Variants in TBC1D31 observed in about 807,000 individuals in gnomAD.
TBC1D31 encodes WD repeat domain 67.
A neutral mutation model predicts 132.9 loss-of-function variants in TBC1D31; 99 were observed. The ratio of observed to expected loss-of-function variants is 0.74; its 90% CI spans 0.63 to 0.88. The LOEUF is 0.88. TBC1D31 is among the 40% of genes least tolerant of loss of function. The probability of loss-of-function intolerance (pLI) is 0.00; values close to 1 mark genes in which losing one functional copy is unlikely to be tolerated. For synonymous variants in TBC1D31, 385 were observed against 419.4 expected, an observed-to-expected ratio of 0.92 and a Z score of 1.00; for missense variants, 1,134 against 1,256.6, an observed-to-expected ratio of 0.90 and a Z score of 1.48.
At chr8:123,106,822 T>C (rs1817975177) in intron 8 of TBC1D31, among the ~76,000 whole-genome samples, 1 of 152,130 alleles carries the variant, frequency 6.6e-6, no homozygotes, top group South Asian at 2.1e-4. Context: ...ATAGCTATAA[T>C]ATATTAAAGT....
intron 12 of TBC1D31, 38 bp from the exon 13 acceptor site, chr8:123,126,470 C>T: frequency 6.4e-7 from 1 of 1,571,342 alleles, no homozygotes; most frequent in Non-Finnish European, 8.7e-7. Context: ...TTTTACTTTT[C>T]CCTAGAAAAA....
the TBC1D31 span, among the ~76,000 whole-genome samples, chr8:123,160,333 G>T: frequency 3.3e-5 from 5 of 152,070 alleles, no homozygotes; most frequent in African/African-American, 4.8e-5. Flanking sequence ...AAACATACTT[G>T]AACTATGTTA....
chr8:123,164,252 A>G, the TBC1D31 span, among the ~76,000 whole-genome samples: 2 of 152,180 alleles, frequency 1.3e-5, no homozygotes, highest in Non-Finnish European at 2.9e-5. Flanking sequence ...AGCCCAAGGG[A>G]CAAAGCCATG....
chr8:123,151,657 C>A, intron 21 of TBC1D31, 149 bp from the exon 22 acceptor site: 1 of 645,158 alleles, frequency 1.6e-6, no homozygotes. Flanking sequence ...TAAATGGAAC[C>A]ACCTAGGGCC....
chr8:123,141,365 A>G (rs1412992874), intron 18 of TBC1D31, among the ~76,000 whole-genome samples: 3 of 141,594 alleles, frequency 2.1e-5, no homozygotes, highest in Non-Finnish European at 4.7e-5. Context: ...CTATTATTCA[A>G]TAAGATGGGG....
At chr8:123,087,672 C>A (rs1815901940) in intron 4 of TBC1D31, among the ~76,000 whole-genome samples, 1 of 152,206 alleles carries the variant, frequency 6.6e-6, no homozygotes, top group Non-Finnish European at 1.5e-5. Context: ...GCCATCTGTT[C>A]TTTTTACTAT....
intron 16 of TBC1D31, among the ~76,000 whole-genome samples, chr8:123,132,235 A>G (rs990896450): frequency 3.9e-5 from 6 of 152,078 alleles, no homozygotes; most frequent in Non-Finnish European, 8.8e-5. Context: ...AGTTTTCCTC[A>G]GTATTCTCAA....
In TBC1D31 at chr8:123,152,074, GTTAT is replaced by G. The variant is rs1822838881; in HGVS notation, c.*139_*142del. ...AAAAATGTGTCTATAAAAATTATGT[GTTAT>G]TTAATTCTGATACTTTTTGGCTTGT... On this transcript the variant is annotated 3_prime_UTR_variant, in exon 22 of 22. Transcript: ENST00000287380. 3 of 865,986 alleles carry G rather than the reference GTTAT, an allele frequency of 3.5e-6. No individual in the cohort carries two copies. The African/African-American group carries it at 5.3e-5, about 15-fold the overall frequency. 53.6% of individuals were successfully genotyped at this position (865,986 alleles called of 1,614,324 possible). A position where few individuals can be genotyped will look rare whatever the true frequency, so the allele number is the denominator to read the frequency against.
chr8:123,116,075 T>G (rs1818880009), intron 10 of TBC1D31, among the ~76,000 whole-genome samples: 1 of 152,190 alleles, frequency 6.6e-6, no homozygotes, highest in Admixed American at 6.5e-5. Flanking sequence ...AAAGCTATTA[T>G]AAAGCATTGA....
intron 11 of TBC1D31, among the ~76,000 whole-genome samples, chr8:123,122,315 AGTGTG>A (rs1819578585): frequency 6.6e-6 from 1 of 152,216 alleles, no homozygotes; most frequent in Non-Finnish European, 1.5e-5. Context: ...GGGTAAGCAA[AGTGTG>A]GTAAATACAC....
chr8:123,139,563 T>A (rs1314939240), intron 17 of TBC1D31, among the ~76,000 whole-genome samples: 1 of 152,198 alleles, frequency 6.6e-6, no homozygotes, highest in Non-Finnish European at 1.5e-5. Context: ...CACGCCTTTA[T>A]CACTCAGCTA....
chr8:123,114,215 C>G (rs1318555951), intron 10 of TBC1D31, among the ~76,000 whole-genome samples: 2 of 152,188 alleles, frequency 1.3e-5, no homozygotes, highest in Non-Finnish European at 2.9e-5. Flanking sequence ...TTGTTGTAGC[C>G]AGGCGACAGG....
chr8:123,099,953 T>C (rs900220547), intron 6 of TBC1D31, among the ~76,000 whole-genome samples: 2 of 152,098 alleles, frequency 1.3e-5, no homozygotes, highest in Non-Finnish European at 2.9e-5. Flanking sequence ...CTCATCCTTT[T>C]ATACCAAACC....
chr8:123,136,460 T>C (rs1821097580), intron 17 of TBC1D31, among the ~76,000 whole-genome samples: 1 of 152,106 alleles, frequency 6.6e-6, no homozygotes, highest in African/African-American at 2.4e-5. Flanking sequence ...GCAACAGAAG[T>C]TATGTTTTGA....
At chr8:123,124,153 C>T (rs1819784396) in intron 11 of TBC1D31, among the ~76,000 whole-genome samples, 2 of 151,316 alleles carry the variant, frequency 1.3e-5, no homozygotes, top group African/African-American at 2.4e-5. Context: ...TACTGAACTT[C>T]AGCTAAGCAC....
intron 17 of TBC1D31, among the ~76,000 whole-genome samples, chr8:123,134,895 T>C (rs1237327864): frequency 6.6e-6 from 1 of 152,172 alleles, no homozygotes; most frequent in East Asian, 1.9e-4. Context: ...TCTTTCTTTA[T>C]TTGTATTTTT....
Position 123,084,843 on chromosome 8 carries a change from G to A in TBC1D31, c.519+503G>A, listed in dbSNP as rs140356097. 4.6e-5 allele frequency among the ~76,000 whole-genome samples: 7 copies of A among 152,062 alleles called. No homozygotes were observed. The East Asian group carries it at 1.4e-3, about 29-fold the overall frequency. On this transcript the variant is annotated intron_variant, in intron 4 of 21. Transcript: ENST00000287380. The stretch of plus-strand genomic sequence containing the variant: ...CTCGCTCTGTCACCTAGGCTGGGGT[G>A]CAGTGGCATGATCTCAACTTACTGT...
chr8:123,152,059 C>G lies in TBC1D31; in HGVS notation c.*120C>G. ...CAGCCCTTTGTACAGAAAAATGTGTCTATAAAAATTATGTGTTATTTAATT... is the reference window on the plus strand; with the variant it reads ...CAGCCCTTTGTACAGAAAAATGTGTGTATAAAAATTATGTGTTATTTAATT... On this transcript the variant is annotated 3_prime_UTR_variant, in exon 22 of 22. Transcript: ENST00000287380. 1 of 1,009,556 alleles carries G rather than the reference C, an allele frequency of 9.9e-7. No individual in the cohort carries two copies. Among genetic ancestry groups the G allele is most frequent in the Non-Finnish European group, 1.3e-6 (1 of 769,564 alleles). 62.5% of individuals were successfully genotyped at this position (1,009,556 alleles called of 1,614,324 possible).
the TBC1D31 span, among the ~76,000 whole-genome samples, chr8:123,158,684 A>T: frequency 1.3e-5 from 2 of 152,310 alleles, no homozygotes; most frequent in African/African-American, 4.8e-5. Context: ...GGCAAAAGGC[A>T]GTATGAGTAC....
Sources: gnomAD v4.1 joint callset for allele counts (sites outside exome capture counted in the v4.1 genomes callset) on GRCh38, gnomAD v4.1.1 for gene constraint, MANE v1.5 for transcripts, NCBI Gene and HGNC (gene_info 2026-07-23, HGNC 2026-07-21) for gene names.